Variants in TRIO observed in about 807,000 individuals in gnomAD.
TRIO encodes the protein triple functional domain protein.
In TRIO, 58 loss-of-function variants were observed where a neutral mutation model predicts 351.9. The observed-to-expected ratio is 0.16, with a 90% CI of 0.13 to 0.21. The LOEUF (loss-of-function observed/expected upper bound fraction) is 0.21, where lower values mean the gene tolerates loss of function less well. TRIO is among the 10% of genes least tolerant of loss of function. The pLI is 1.00. For missense variants in TRIO, 3,201 were observed against 4,027.8 expected (o/e 0.79, Z 5.56); for synonymous variants, 1,758 against 1,595.7 (o/e 1.10, Z -2.42).
rs1225859273 is a variant in TRIO, at chr5:14,471,406, C to G, written c.5852C>G (p.Ser1951Cys). The G allele has an allele frequency of 6.2e-7, 1 of 1,614,218 alleles. No individual in the cohort carries two copies. Among genetic ancestry groups the G allele is most frequent in the Non-Finnish European group, 8.5e-7 (1 of 1,180,038 alleles). ...SFNPSDNSLL[S>C]SSSPIDEMEE... The stretch of plus-strand genomic sequence containing the variant: ...AACCCTTCGGATAATTCCCTTCTCT[C>G]TTCCTCCTCGCCCATTGATGAGATG... Residue 1951 changes from serine (S) to cysteine (C), a missense_variant, in exon 38 of 57, where the codon TCT becomes TGT. Ser to Cys is a moderately radical substitution (Grantham distance 112). Around this residue, in one of 19 missense-constraint regions of TRIO, gnomAD observed 307 missense variants for 396.5 expected, o/e 0.77. Coordinates refer to ENST00000344204, the MANE Select transcript of TRIO (RefSeq NM_007118.4).
chr5:14,368,936 T>C (rs1451186402), intron 17 of TRIO, 37 bp downstream of exon 17: 1 of 1,582,714 alleles, frequency 6.3e-7, no homozygotes, highest in South Asian at 1.1e-5. Context: ...ACTCCACTGA[T>C]ACTTTATTTT....
At chr5:14,215,147 A>G (rs1280586189) in intron 1 of TRIO, among the ~76,000 whole-genome samples, 2 of 152,252 alleles carry the variant, frequency 1.3e-5, no homozygotes, top group African/African-American at 2.4e-5. Context: ...CTGTACTGAT[A>G]AAGATGATTT....
Position 14,498,571 on chromosome 5 carries a change from G to A in TRIO, c.8263G>A (p.Gly2755Ser). The change falls in exon 53 of 57, where the codon GGC becomes AGC. Residue 2755 changes from glycine to serine, a missense_variant. Gly to Ser is a moderately conservative substitution (Grantham distance 56). Coordinates refer to ENST00000344204, the MANE Select transcript of TRIO (RefSeq NM_007118.4). ...KIVGVTTEDD[G>S]IYTCIAVNDM... ...TGTGGGCGTGACCACGGAAGATGACGGCATCTACACGTGCATCGCTGTCAA... is the reference window on the plus strand; with the variant it reads ...TGTGGGCGTGACCACGGAAGATGACAGCATCTACACGTGCATCGCTGTCAA... The A allele has an allele frequency of 3.7e-6, 6 of 1,614,178 alleles. No homozygotes were observed. Among genetic ancestry groups the A allele is most frequent in the African/African-American group, 1.3e-5 (1 of 75,048 alleles).
At chr5:14,345,647 G>T (rs1742355207) in intron 11 of TRIO, among the ~76,000 whole-genome samples, 1 of 152,128 alleles carries the variant, frequency 6.6e-6, no homozygotes, top group Non-Finnish European at 1.5e-5. Context: ...TGCAACCTCT[G>T]TCTCTCAGGT....
intron 31 of TRIO, among the ~76,000 whole-genome samples, chr5:14,405,106 C>T (rs1327802765): frequency 1.3e-5 from 2 of 150,510 alleles, no homozygotes; most frequent in East Asian, 3.9e-4. Context: ...AAAAAAAAGT[C>T]TGGATCAAGT....
intron 34 of TRIO, among the ~76,000 whole-genome samples, chr5:14,444,581 T>C (rs1752300749): frequency 6.6e-6 from 1 of 151,800 alleles, no homozygotes; most frequent in South Asian, 2.1e-4. Flanking sequence ...TCCTCATGTG[T>C]TTAAAACAAA....
rs184216029 is a variant in TRIO, at chr5:14,468,023, G to T, written c.5763+2383G>T. ...CCATTAAAATCATTCTTACCAAATA[G>T]CCGAAATGGTTTCCCAGGGAACGCT... On this transcript the variant is annotated intron_variant, in intron 37 of 56. Transcript: ENST00000344204. Among the ~76,000 whole-genome samples, 85 of 152,224 alleles carry T rather than the reference G, an allele frequency of 5.6e-4. 1 individual carries two copies. Among genetic ancestry groups the T allele is most frequent in the Admixed American group, 9.8e-4 (15 of 15,296 alleles).
intron 9 of TRIO, among the ~76,000 whole-genome samples, chr5:14,318,315 C>T (rs973081160): frequency 3.4e-4 from 49 of 143,436 alleles, no homozygotes; most frequent in South Asian, 8.8e-4. Flanking sequence ...ATTAGCCTGG[C>T]GTGCTGGCAC....
intron 1 of TRIO, among the ~76,000 whole-genome samples, chr5:14,253,794 T>G (rs931752257): frequency 5.9e-5 from 9 of 152,190 alleles, no homozygotes; most frequent in South Asian, 2.1e-4. Context: ...AATAAAGTCT[T>G]AGCTATTTCT....
At chr5:14,235,712 T>C (rs1471033378) in intron 1 of TRIO, among the ~76,000 whole-genome samples, 1 of 151,986 alleles carries the variant, frequency 6.6e-6, no homozygotes, top group African/African-American at 2.4e-5. Context: ...CCCATTCGAA[T>C]CCACAAGCAT....
intron 53 of TRIO, among the ~76,000 whole-genome samples, chr5:14,502,266 T>C (rs1317283248): frequency 1.3e-5 from 2 of 152,198 alleles, no homozygotes; most frequent in Non-Finnish European, 2.9e-5. Context: ...AGTAAACACA[T>C]TTTAAAAATA....
At position 14,363,582 on chromosome 5, in the gene TRIO, T is replaced by C; in HGVS notation, c.2392-150T>C. The stretch of plus-strand genomic sequence containing the variant: ...TTGTTTAAACAGCTTTATTGAGGTG[T>C]GATTTGTATACCACCAAACTCATGC... On this transcript the variant is annotated intron_variant, in intron 13 of 56. Transcript: ENST00000344204. The C allele has an allele frequency of 5.2e-6, 3 of 577,820 alleles. No homozygotes were observed. In the South Asian group the frequency reaches 9.2e-5, roughly 18 times the overall value. 35.8% of individuals were successfully genotyped at this position (577,820 alleles called of 1,614,324 possible). A position where few individuals can be genotyped will look rare whatever the true frequency, so the allele number is the denominator to read the frequency against.
intron 1 of TRIO, among the ~76,000 whole-genome samples, chr5:14,146,156 G>GA (rs1787510180): frequency 2.0e-5 from 3 of 151,044 alleles, no homozygotes; most frequent in African/African-American, 7.3e-5. Flanking sequence ...GCAGGGGGCA[G>GA]AGAGGGGTCA....
At chr5:14,436,490 A>G (rs192382882) in intron 34 of TRIO, among the ~76,000 whole-genome samples, 48 of 152,238 alleles carry the variant, frequency 3.2e-4, no homozygotes, top group Admixed American at 5.2e-4. Flanking sequence ...TTCAAAAGCA[A>G]TCATACTTTC....
At chr5:14,461,767 T>A (rs1753828644) in intron 35 of TRIO, among the ~76,000 whole-genome samples, 1 of 152,240 alleles carries the variant, frequency 6.6e-6, no homozygotes, top group South Asian at 2.1e-4. Context: ...GAAGGACTTG[T>A]GGAGTGTTTG....
chr5:14,506,717 G>A (rs1292481347), intron 55 of TRIO, among the ~76,000 whole-genome samples: 2 of 152,296 alleles, frequency 1.3e-5, no homozygotes, highest in Admixed American at 1.3e-4. Context: ...CATGATCTCG[G>A]TGAGTCTTCC....
intron 2 of TRIO, among the ~76,000 whole-genome samples, chr5:14,276,653 A>G (rs373493655): frequency 5.3e-5 from 8 of 152,228 alleles, no homozygotes; most frequent in African/African-American, 1.4e-4. Context: ...AATCATTTCA[A>G]TTGAAACAAG....
chr5:14,200,771 T>A (rs1054249158), intron 1 of TRIO, among the ~76,000 whole-genome samples: 9 of 152,214 alleles, frequency 5.9e-5, no homozygotes, highest in East Asian at 1.9e-4. Flanking sequence ...ACTCTTAGTT[T>A]CTGCTTTGAT....
chr5:14,396,044 T>TAAAAA (rs557922366), intron 28 of TRIO, among the ~76,000 whole-genome samples: 5 of 64,540 alleles, frequency 7.7e-5, no homozygotes, highest in Admixed American at 2.1e-4. Flanking sequence ...AGACTCCGCC[T>TAAAAA]AAAAAAAAAA....
Sources: gnomAD v4.1 joint callset for allele counts (sites outside exome capture counted in the v4.1 genomes callset) on GRCh38, gnomAD v4.1.1 for gene constraint, gnomAD v4.1.1 regional missense constraint, MANE v1.5 for transcripts, NCBI Gene and HGNC (gene_info 2026-07-23, HGNC 2026-07-21) for gene names.